Variants in LYSMD4 observed in about 807,000 individuals in gnomAD.
LYSMD4 encodes lysM and putative peptidoglycan-binding domain-containing protein 4.
In LYSMD4, 9 loss-of-function variants were observed where a neutral mutation model predicts 6.1. That is an observed-to-expected ratio of 1.47 (90% CI 0.88 to 2.56). The LOEUF is 2.56. LYSMD4 is among the 30% of genes most tolerant of loss of function. LYSMD4 has a pLI of 0.00. For synonymous variants in LYSMD4, 143 were observed against 148.5 expected (o/e 0.96, Z 0.27); for missense variants, 384 against 373.5 (o/e 1.03, Z -0.23).
At chr15:99,722,462 C>T (rs2059244468), downstream of LYSMD4, among the ~76,000 whole-genome samples, 1 of 152,176 alleles carries the variant, frequency 6.6e-6, no homozygotes, top group Non-Finnish European at 1.5e-5. Context: ...ACAACAAAAT[C>T]CAGCATCCAA....
Position 99,729,255 on chromosome 15 carries a change from G to A in LYSMD4, c.759C>T (p.Asn253=). 19 of 1,614,240 alleles carry A rather than the reference G, an allele frequency of 1.2e-5. No homozygotes were observed. Among genetic ancestry groups the A allele is most frequent in the Non-Finnish European group, 1.6e-5 (19 of 1,180,044 alleles). The stretch of plus-strand genomic sequence containing the variant: ...TCGAGCCATTGGGGATGACAGTTGT[G>A]TTCAAGCTATTAGGGGTCTCACCAC... ...QASGETPNSL[N]TTVIPNGSMA... The change falls in exon 3 of 3, where the codon AAC becomes AAT. Residue 253 remains asparagine, a synonymous_variant. Coordinates refer to ENST00000684762, the MANE Select transcript of LYSMD4 (RefSeq NM_001284417.2).
chr15:99,726,908 G>A (rs72760586), downstream of LYSMD4, among the ~76,000 whole-genome samples: 1 of 152,034 alleles, frequency 6.6e-6, no homozygotes. Context: ...ATCATCCCTA[G>A]AGCACTGGTC....
rs997734516 is a variant in LYSMD4, at chr15:99,733,387, C to T, written c.-51G>A. 8 of 393,736 alleles carry T rather than the reference C, an allele frequency of 2.0e-5. No homozygotes were observed. The highest frequency in any genetic ancestry group is 3.6e-5 in the Non-Finnish European group (8 of 223,290). The allele number at this position is 393,736 out of a possible 1,614,324, so 24.4% of individuals were successfully genotyped here. ...GCCGCGACCGGCGACCGGCGACTCG[C>T]GACCCGCGACCCGCGACCCGCAGCT... On this transcript the variant is annotated 5_prime_UTR_variant, in exon 1 of 3. Transcript: ENST00000684762.
At chr15:99,731,176 G>A in intron 2 of LYSMD4, 4 of 1,612,228 alleles carry the variant, frequency 2.5e-6, no homozygotes, top group South Asian at 1.1e-5. Context: ...TACTTACTTT[G>A]CCATTGTTAA....
upstream of LYSMD4, among the ~76,000 whole-genome samples, chr15:99,721,985 T>C (rs981241935): frequency 5.3e-5 from 8 of 152,002 alleles, no homozygotes; most frequent in African/African-American, 1.7e-4. Context: ...ATCTAGAATT[T>C]GTGGGGGCAC....
chr15:99,721,893 C>T (rs1429385519), upstream of LYSMD4, among the ~76,000 whole-genome samples: 1 of 152,148 alleles, frequency 6.6e-6, no homozygotes, highest in Non-Finnish European at 1.5e-5. Flanking sequence ...TCACCGCCTG[C>T]AGGGTTTGCA....
chr15:99,721,843 G>C (rs1010398803), upstream of LYSMD4, among the ~76,000 whole-genome samples: 20 of 152,216 alleles, frequency 1.3e-4, no homozygotes, highest in African/African-American at 4.6e-4. Flanking sequence ...ATCTCTGAGA[G>C]ACCAGAAATA....
downstream of LYSMD4, among the ~76,000 whole-genome samples, chr15:99,723,294 T>C (rs2603229): frequency 0.72 from 109,768 of 152,072 alleles, 39,741 homozygotes; most frequent in Non-Finnish European, 0.75. Flanking sequence ...AACAGAAATA[T>C]GAAGAAAGCC....
Position 99,731,938 on chromosome 15 carries a change from G to A in LYSMD4, c.62C>T (p.Pro21Leu), listed in dbSNP as rs765452184. ...FQGPAVVCGTPTSHVYMFKNG... is the reference protein window; with the variant it reads ...FQGPAVVCGTLTSHVYMFKNG... ...CTTAAACATGTATACGTGGCTGGTC[G>A]GAGTCCCACACACAACAGCTGGGCC... The change falls in exon 2 of 3, where the codon CCG becomes CTG. Residue 21 changes from proline to leucine, a missense_variant. Pro to Leu is a moderately conservative substitution (Grantham distance 98). Coordinates refer to ENST00000684762, the MANE Select transcript of LYSMD4 (RefSeq NM_001284417.2). The A allele has an allele frequency of 6.2e-6, 10 of 1,611,566 alleles. No individual in the cohort carries two copies. Among genetic ancestry groups the A allele is most frequent in the South Asian group, 1.1e-5 (1 of 90,784 alleles).
At chr15:99,733,202 C>T in intron 1 of LYSMD4, 143 bp downstream of exon 1, 1 of 373,854 alleles carries the variant, frequency 2.7e-6, no homozygotes, top group Non-Finnish European at 4.8e-6. Context: ...GCGGTCACCG[C>T]CCCTCCAGCT....
At chr15:99,732,624 T>C (rs990504225) in intron 1 of LYSMD4, among the ~76,000 whole-genome samples, 2 of 151,980 alleles carry the variant, frequency 1.3e-5, no homozygotes, top group African/African-American at 4.8e-5. Flanking sequence ...TACATCCCCA[T>C]TGTCTGGTTT....
downstream of LYSMD4, among the ~76,000 whole-genome samples, chr15:99,726,516 A>C (rs2059284156): frequency 6.6e-6 from 1 of 151,498 alleles, no homozygotes; most frequent in South Asian, 2.1e-4. Context: ...CCCCTACTGC[A>C]GCGCAGAAGG....
intron 1 of LYSMD4, among the ~76,000 whole-genome samples, chr15:99,732,373 G>A (rs1471014739): frequency 6.6e-6 from 1 of 152,190 alleles, no homozygotes; most frequent in Non-Finnish European, 1.5e-5. Flanking sequence ...CAGCCTCCGC[G>A]CACTCAGAAT....
At chr15:99,725,082 T>C (rs1289126251), downstream of LYSMD4, among the ~76,000 whole-genome samples, 1 of 152,214 alleles carries the variant, frequency 6.6e-6, no homozygotes, top group Non-Finnish European at 1.5e-5. Flanking sequence ...TTGGAAGACC[T>C]GTCCCAAGGC....
downstream of LYSMD4, among the ~76,000 whole-genome samples, chr15:99,722,799 C>CT (rs1034606517): frequency 6.6e-6 from 1 of 152,156 alleles, no homozygotes; most frequent in Non-Finnish European, 1.5e-5. Flanking sequence ...CTTTGGGAGG[C>CT]TGGGGCGGGC....
rs552593539 is a variant in LYSMD4, at chr15:99,731,813, G to A, written c.187C>T (p.Pro63Ser). ...KERHKSGVHQ[P>S]PQAGAGDVVL... ...ACGTCACCTGCTCCCGCCTGGGGAGGCTGGTGGACACCGCTCTTGTGGCGC... is the reference window on the plus strand; with the variant it reads ...ACGTCACCTGCTCCCGCCTGGGGAGACTGGTGGACACCGCTCTTGTGGCGC... Residue 63 changes from proline to serine, a missense_variant, in exon 2 of 3, where the codon CCT (proline) becomes TCT (serine). Pro to Ser is a moderately conservative substitution (Grantham distance 74). Coordinates refer to ENST00000684762, the MANE Select transcript of LYSMD4 (RefSeq NM_001284417.2). 1.2e-6 allele frequency: 2 copies of A among 1,612,642 alleles called. No individual in the cohort carries two copies. The highest frequency in any genetic ancestry group is 3.3e-5 in the Admixed American group (2 of 60,034).
intron 2 of LYSMD4, among the ~76,000 whole-genome samples, chr15:99,730,854 G>A (rs2059390519): frequency 6.6e-6 from 1 of 152,154 alleles, no homozygotes. Context: ...TTCAGCCCAT[G>A]TTCTGTAAGC....
At chr15:99,721,876 C>T (rs962309159), upstream of LYSMD4, among the ~76,000 whole-genome samples, 1 of 152,158 alleles carries the variant, frequency 6.6e-6, no homozygotes, top group Non-Finnish European at 1.5e-5. Flanking sequence ...CTGATGAGTG[C>T]CCCAGCTCAC....
At chr15:99,722,213 T>C (rs2059242704), upstream of LYSMD4, among the ~76,000 whole-genome samples, 1 of 152,172 alleles carries the variant, frequency 6.6e-6, no homozygotes, top group African/African-American at 2.4e-5. Flanking sequence ...ATGCTGTGTG[T>C]GTTCGGTGGT....
Sources: allele counts gnomAD v4.1 joint callset (sites outside exome capture counted in the v4.1 genomes callset), GRCh38; gene constraint gnomAD v4.1.1; transcripts MANE v1.5; gene names NCBI Gene and HGNC (gene_info 2026-07-23, HGNC 2026-07-21).